SIPA1L1: variants seen among roughly 807,000 people sequenced by gnomAD.
SIPA1L1 encodes the protein signal induced proliferation associated 1 like 1, also known as signal-induced proliferation-associated 1-like protein 1.
A neutral mutation model predicts 162.7 loss-of-function variants in SIPA1L1; 26 were observed. The ratio of observed to expected loss-of-function variants is 0.16; its 90% CI spans 0.12 to 0.22. SIPA1L1 has a LOEUF of 0.22. Among genes scored for constraint, SIPA1L1 ranks in the 10% least tolerant of loss-of-function variants. The probability of loss-of-function intolerance (pLI) is 1.00; values close to 1 mark genes in which losing one functional copy is unlikely to be tolerated. For missense variants in SIPA1L1, 1,874 were observed against 2,241.0 expected (o/e 0.84, Z 3.31); for synonymous variants, 829 against 837.4 (o/e 0.99, Z 0.17).
intron 4 of SIPA1L1, among the ~76,000 whole-genome samples, chr14:71,556,046 G>T (rs536092252): frequency 6.6e-6 from 1 of 152,298 alleles, no homozygotes; most frequent in African/African-American, 2.4e-5. Context: ...AGCACATGCT[G>T]TTGGAAAAAT....
At chr14:71,553,126 T>G (rs2056026423) in intron 4 of SIPA1L1, among the ~76,000 whole-genome samples, 1 of 152,214 alleles carries the variant, frequency 6.6e-6, no homozygotes, top group Non-Finnish European at 1.5e-5. Flanking sequence ...TTCTATTTCC[T>G]TTATACTGAG....
intron 5 of SIPA1L1, among the ~76,000 whole-genome samples, chr14:71,605,364 A>G (rs573996912): frequency 3.9e-4 from 59 of 151,750 alleles, no homozygotes; most frequent in East Asian, 3.9e-4. Flanking sequence ...TTTTTCTAGG[A>G]TTTTGTATAT....
intron 2 of SIPA1L1, among the ~76,000 whole-genome samples, chr14:71,450,599 TATTTGAGAAATTATCAGAGAGATG>T (rs1184271257): frequency 6.6e-6 from 1 of 152,248 alleles, no homozygotes; most frequent in Non-Finnish European, 1.5e-5. Flanking sequence ...TATTCTAAAA[TATTTGAGAAATTATCAGAGAGATG>T]TAAATTAAAG....
chr14:71,534,932 G>A (rs2053760687), intron 4 of SIPA1L1, among the ~76,000 whole-genome samples: 1 of 152,148 alleles, frequency 6.6e-6, no homozygotes, highest in Admixed American at 6.5e-5. Context: ...AGTTGTATTC[G>A]TTCAGAGCAT....
intron 2 of SIPA1L1, among the ~76,000 whole-genome samples, chr14:71,444,265 C>T (rs191458874): frequency 3.3e-4 from 51 of 152,252 alleles, no homozygotes; most frequent in Admixed American, 1.4e-3. Flanking sequence ...ACAAATAGCA[C>T]GGAGCTACAG....
chr14:71,705,600 A>ATGTGGAAATGGAAATG (rs2082381017), intron 16 of SIPA1L1, among the ~76,000 whole-genome samples: 1 of 152,032 alleles, frequency 6.6e-6, no homozygotes, highest in East Asian at 2.0e-4. Context: ...CAATCCTGAA[A>ATGTGGAAATGGAAATG]TGTTAGGAGT....
At chr14:71,663,184 AT>A (rs2043691598) in intron 10 of SIPA1L1, among the ~76,000 whole-genome samples, 1 of 152,206 alleles carries the variant, frequency 6.6e-6, no homozygotes, top group Non-Finnish European at 1.5e-5. Context: ...TGACCAATTT[AT>A]ACATTTTATT....
intron 2 of SIPA1L1, among the ~76,000 whole-genome samples, chr14:71,472,413 G>A (rs531153340): frequency 1.7e-4 from 26 of 151,320 alleles, no homozygotes; most frequent in South Asian, 4.2e-4. Flanking sequence ...AATATGTTAC[G>A]TGTGGTCATG....
intron 2 of SIPA1L1, among the ~76,000 whole-genome samples, chr14:71,449,741 A>G (rs1355229264): frequency 3.9e-5 from 6 of 152,214 alleles, no homozygotes; most frequent in Non-Finnish European, 5.9e-5. Context: ...GTCTCAGTTA[A>G]GCATGATTTA....
At chr14:71,516,959 C>G (rs745837947) in intron 3 of SIPA1L1, among the ~76,000 whole-genome samples, 1 of 152,050 alleles carries the variant, frequency 6.6e-6, no homozygotes, top group African/African-American at 2.4e-5. Flanking sequence ...GGCAACAGAA[C>G]GAGACTTTGT....
chr14:71,342,496 G>A (rs1030399077), intron 2 of SIPA1L1, among the ~76,000 whole-genome samples: 3 of 152,154 alleles, frequency 2.0e-5, no homozygotes, highest in African/African-American at 7.2e-5. Flanking sequence ...GATGTTGATG[G>A]AAGTGAAGTT....
At chr14:71,555,502 T>C (rs180713053) in intron 4 of SIPA1L1, among the ~76,000 whole-genome samples, 2 of 152,324 alleles carry the variant, frequency 1.3e-5, no homozygotes, top group Admixed American at 6.5e-5. Context: ...ACTAAAACTT[T>C]CCATCTCAGC....
chr14:71,634,418 A>AC (rs2040911906), intron 7 of SIPA1L1, among the ~76,000 whole-genome samples: 1 of 149,864 alleles, frequency 6.7e-6, no homozygotes, highest in Non-Finnish European at 1.5e-5. Context: ...AAAAAAAAAA[A>AC]CCCACCTATA....
At chr14:71,730,000 C>A in intron 19 of SIPA1L1, 55 bp from the exon 20 acceptor site, 1 of 1,575,870 alleles carries the variant, frequency 6.3e-7, no homozygotes, top group South Asian at 1.2e-5. Context: ...CAACCTTGGT[C>A]TCAGGGATCT....
intron 13 of SIPA1L1, among the ~76,000 whole-genome samples, chr14:71,689,490 G>A (rs2081100160): frequency 6.6e-6 from 1 of 152,142 alleles, no homozygotes; most frequent in South Asian, 2.1e-4. Context: ...AAAAATTGCT[G>A]GCTGTGGCAC....
At position 71,650,499 on chromosome 14, in the gene SIPA1L1, T is replaced by G; in HGVS notation, c.1983T>G (p.Leu661=). Residue 661 remains leucine (L), a synonymous_variant, in exon 8 of 24, where the codon CTT becomes CTG. Coordinates refer to ENST00000381232, the MANE Select transcript of SIPA1L1 (RefSeq NM_001386936.1). ...LKGFEKYRAQ[L]DTKTDSTGTH... ...GATTTGAGAAGTATCGAGCACAGCT[T>G]GATACCAAAAGTAAGAAATACTTAC... 6.2e-7 allele frequency: 1 copy of G among 1,613,940 alleles called. No individual in the cohort carries two copies. The highest frequency in any genetic ancestry group is 8.5e-7 in the Non-Finnish European group (1 of 1,179,864).
intron 13 of SIPA1L1, among the ~76,000 whole-genome samples, chr14:71,687,489 A>T (rs953252012): frequency 3.9e-5 from 6 of 152,218 alleles, no homozygotes; most frequent in African/African-American, 1.4e-4. Context: ...AGGCTTTCAC[A>T]AGTGAAATTG....
At chr14:71,594,285 T>G (rs551002118) in intron 5 of SIPA1L1, among the ~76,000 whole-genome samples, 1 of 152,242 alleles carries the variant, frequency 6.6e-6, no homozygotes, top group Non-Finnish European at 1.5e-5. Flanking sequence ...AGAGCTGTTT[T>G]TCAAGTTCCA....
intron 2 of SIPA1L1, among the ~76,000 whole-genome samples, chr14:71,408,957 T>C (rs527489999): frequency 6.6e-5 from 10 of 152,220 alleles, no homozygotes; most frequent in Admixed American, 3.3e-4. Flanking sequence ...GACCTCCTCA[T>C]GGTTTGGTGA....
Sources: gnomAD v4.1 joint callset for allele counts (sites outside exome capture counted in the v4.1 genomes callset) on GRCh38, gnomAD v4.1.1 for gene constraint, MANE v1.5 for transcripts, NCBI Gene and HGNC (gene_info 2026-07-23, HGNC 2026-07-21) for gene names.